CNTN5: variants seen among roughly 807,000 people sequenced by gnomAD.
CNTN5 encodes the protein contactin-5.
CNTN5 carries 77 observed loss-of-function variants against 129.1 expected under a neutral mutation model. The ratio of observed to expected loss-of-function variants is 0.60; its 90% CI spans 0.50 to 0.72. CNTN5 has a LOEUF of 0.72. Ranked by LOEUF, CNTN5 falls within the 30% of genes least tolerant of loss-of-function variation. The pLI, the probability that CNTN5 is intolerant of heterozygous loss-of-function variation, is 0.00. For missense variants in CNTN5, 1,478 were observed against 1,328.8 expected (o/e 1.11, Z -1.75); for synonymous variants, 509 against 465.6 (o/e 1.09, Z -1.20).
chr11:99,950,534 G>C (rs1311217874), intron 7 of CNTN5, among the ~76,000 whole-genome samples: 2 of 152,208 alleles, frequency 1.3e-5, no homozygotes. Context: ...TACTAACCAA[G>C]AGTCAGACAG....
intron 3 of CNTN5, among the ~76,000 whole-genome samples, chr11:99,620,373 C>T (rs1029733272): frequency 6.6e-6 from 1 of 151,844 alleles, no homozygotes; most frequent in Non-Finnish European, 1.5e-5. Flanking sequence ...AAAAAGTAAA[C>T]ATTCATTGCC....
At chr11:99,979,245 A>G (rs920889655) in intron 8 of CNTN5, among the ~76,000 whole-genome samples, 1 of 152,186 alleles carries the variant, frequency 6.6e-6, no homozygotes, top group African/African-American at 2.4e-5. Context: ...AAAAGAAGTC[A>G]TGCCACAATG....
At chr11:99,503,621 A>G (rs1026726798) in intron 2 of CNTN5, among the ~76,000 whole-genome samples, 80 of 152,320 alleles carry the variant, frequency 5.3e-4, no homozygotes, top group African/African-American at 1.9e-3. Flanking sequence ...GTTGGACTGC[A>G]AAGTACTGAA....
chr11:100,241,982 G>A (rs995258780), intron 16 of CNTN5, among the ~76,000 whole-genome samples: 6 of 152,146 alleles, frequency 3.9e-5, no homozygotes, highest in Middle Eastern at 3.2e-3. Context: ...TTCATCAAAT[G>A]TTTGCCTTAT....
chr11:100,254,574 G>A (rs1591440480), intron 16 of CNTN5, among the ~76,000 whole-genome samples: 1 of 152,014 alleles, frequency 6.6e-6, no homozygotes, highest in African/African-American at 2.4e-5. Flanking sequence ...TTCTTCTCAG[G>A]TAACAACGAC....
intron 17 of CNTN5, among the ~76,000 whole-genome samples, chr11:100,269,113 C>T (rs902526562): frequency 2.6e-5 from 4 of 152,072 alleles, no homozygotes; most frequent in East Asian, 1.9e-4. Context: ...ACTGATAAGG[C>T]GTAGTCAGGT....
intron 3 of CNTN5, among the ~76,000 whole-genome samples, chr11:99,685,963 T>C (rs532607252): frequency 5.9e-5 from 9 of 152,062 alleles, no homozygotes; most frequent in Non-Finnish European, 1.3e-4. Context: ...TATATGCCTT[T>C]ACTATTCTTT....
At chr11:99,493,630 A>G (rs751343334) in intron 2 of CNTN5, among the ~76,000 whole-genome samples, 63 of 152,332 alleles carry the variant, frequency 4.1e-4, no homozygotes, top group South Asian at 1.2e-3. Flanking sequence ...AAACAAATAC[A>G]TATATAATAT....
chr11:99,182,255 A>G (rs188006730), intron 1 of CNTN5, among the ~76,000 whole-genome samples: 3 of 152,332 alleles, frequency 2.0e-5, no homozygotes, highest in Admixed American at 6.5e-5. Flanking sequence ...ATGGCAAAGT[A>G]TACGTAGAGT....
At chr11:99,239,966 C>G (rs1320684206) in intron 1 of CNTN5, among the ~76,000 whole-genome samples, 8 of 150,994 alleles carry the variant, frequency 5.3e-5, no homozygotes, top group African/African-American at 1.9e-4. Context: ...ATTTAAAAAG[C>G]GAGTAGTCCT....
At chr11:99,210,183 A>G (rs533646524) in intron 1 of CNTN5, among the ~76,000 whole-genome samples, 1 of 152,192 alleles carries the variant, frequency 6.6e-6, no homozygotes, top group Non-Finnish European at 1.5e-5. Flanking sequence ...CATTCTGGAA[A>G]TAATCTTTCT....
rs1862019293 is a variant in CNTN5 at position 99,249,999 on chromosome 11, T to C, written c.-209-75347T>C. Among the ~76,000 whole-genome samples the C allele has an allele frequency of 2.0e-5, 3 of 152,012 alleles. No individual in the cohort carries two copies. In the South Asian group the frequency reaches 6.2e-4, roughly 31 times the overall value. ...ATATAATAAGGAAAATATTAATTTC[T>C]ATTCTGCTTTAGGGAATTTTGGGGT... On this transcript the variant is annotated intron_variant, in intron 1 of 24. Transcript: ENST00000524871.
chr11:99,432,454 T>TCTTTGCTTTC (rs1555143572), intron 2 of CNTN5, among the ~76,000 whole-genome samples: 1 of 118,204 alleles, frequency 8.5e-6, no homozygotes, highest in African/African-American at 3.1e-5. Flanking sequence ...TCTTTTCTTT[T>TCTTTGCTTTC]CTTTTCTTTC....
chr11:100,154,349 AAT>A (rs1947164540), intron 13 of CNTN5, among the ~76,000 whole-genome samples: 8 of 24,294 alleles, frequency 3.3e-4, no homozygotes, highest in Admixed American at 2.3e-3. Context: ...CCAGTCTATC[AAT>A]CATTGATGGG....
intron 2 of CNTN5, among the ~76,000 whole-genome samples, chr11:99,534,114 C>T (rs1177635434): frequency 6.6e-6 from 1 of 152,192 alleles, no homozygotes; most frequent in African/African-American, 2.4e-5. Context: ...CACGGCTCTA[C>T]TTCACACCTT....
intron 13 of CNTN5, among the ~76,000 whole-genome samples, chr11:100,120,529 C>T (rs770300151): frequency 3.3e-5 from 5 of 151,828 alleles, no homozygotes; most frequent in South Asian, 4.1e-4. Context: ...ATTTAATCCA[C>T]GTTTAATCCA....
At chr11:99,593,472 A>ATCACTCCTAAACTACTTTTATGTAT (rs1377361686) in intron 3 of CNTN5, among the ~76,000 whole-genome samples, 16 of 152,184 alleles carry the variant, frequency 1.1e-4, no homozygotes, top group Admixed American at 7.2e-4. Context: ...TACTTTTATT[A>ATCACTCCTAAACTACTTTTATGTAT]AAAGTATGTA....
chr11:100,044,588 C>T (rs1942566479), intron 9 of CNTN5, among the ~76,000 whole-genome samples: 1 of 151,436 alleles, frequency 6.6e-6, no homozygotes, highest in Admixed American at 6.6e-5. Context: ...GTGATGCTGA[C>T]TAATCTTTCA....
chr11:99,904,687 T>G (rs937857884), intron 6 of CNTN5, among the ~76,000 whole-genome samples: 3 of 152,202 alleles, frequency 2.0e-5, no homozygotes, highest in Non-Finnish European at 4.4e-5. Flanking sequence ...AAATGGTATT[T>G]CTGGTTCTAG....
Sources: gnomAD v4.1 joint callset for allele counts (sites outside exome capture counted in the v4.1 genomes callset) on GRCh38, gnomAD v4.1.1 for gene constraint, MANE v1.5 for transcripts, NCBI Gene and HGNC (gene_info 2026-07-23, HGNC 2026-07-21) for gene names.